TRAFD1: variants seen among roughly 807,000 people sequenced by gnomAD.
TRAFD1 encodes the protein TRAF-type zinc finger domain-containing protein 1.
Under a neutral mutation model 65.3 loss-of-function variants are expected in TRAFD1, and 38 were observed. That is an observed-to-expected ratio of 0.58 (90% confidence interval 0.45 to 0.76). The LOEUF (loss-of-function observed/expected upper bound fraction) is 0.76, where lower values mean the gene tolerates loss of function less well. Ranked by LOEUF, TRAFD1 falls within the 30% of genes least tolerant of loss-of-function variation. TRAFD1 has a pLI of 0.00. For synonymous variants in TRAFD1, 223 were observed against 257.2 expected, an observed-to-expected ratio of 0.87 and a Z score of 1.27; for missense variants, 631 against 712.6, an observed-to-expected ratio of 0.89 and a Z score of 1.30.
intron 2 of TRAFD1, among the ~76,000 whole-genome samples, chr12:112,134,374 G>T (rs1186092572): frequency 6.9e-6 from 1 of 144,638 alleles, no homozygotes; most frequent in Non-Finnish European, 1.5e-5. Context: ...TCCTGCCTCA[G>T]CCTCCCGAGT....
intron 6 of TRAFD1, 34 bp from the exon 7 acceptor site, chr12:112,145,552 C>T: frequency 1.2e-6 from 2 of 1,605,040 alleles, no homozygotes; most frequent in Non-Finnish European, 1.7e-6. Context: ...TGTTTTTGTT[C>T]ATCCTGAGTC....
At chr12:112,129,908 C>G (rs1335090175) in intron 1 of TRAFD1, among the ~76,000 whole-genome samples, 1 of 151,852 alleles carries the variant, frequency 6.6e-6, no homozygotes, top group Non-Finnish European at 1.5e-5. Flanking sequence ...TCCCTAAGTC[C>G]TGGGATTACA....
rs755697440 is a variant in TRAFD1, at chr12:112,149,781, A to G, written c.1189A>G (p.Thr397Ala). 6.2e-7 allele frequency: 1 copy of G among 1,614,188 alleles called. No individual in the cohort carries two copies. The highest frequency in any genetic ancestry group is 8.5e-7 in the Non-Finnish European group (1 of 1,179,998). Reference sequence around the variant, plus strand: ...GTGTGACCAACGCCCAGCCACTGCAACCAACCATGTGACAGAGGGGATTCC... The same window carrying G: ...GTGTGACCAACGCCCAGCCACTGCAGCCAACCATGTGACAGAGGGGATTCC... ...DQCDQRPATA[T>A]NHVTEGIPRL... The change falls in exon 9 of 12, where the codon ACC becomes GCC. Residue 397 changes from threonine (T) to alanine (A), a missense_variant. Thr to Ala is a moderately conservative substitution (Grantham distance 58). Coordinates refer to ENST00000412615, the MANE Select transcript of TRAFD1 (RefSeq NM_006700.3).
rs1165368631 is a variant in TRAFD1 at position 112,152,318 on chromosome 12, GT to G, written c.1620-103del. ...AAAAAAATTATTTTGTGGCCTATGG[GT>G]TTTTTGGGGTTTGTCTGCTAGCATA... On this transcript the variant is annotated intron_variant, in intron 10 of 11. Coordinates refer to ENST00000412615, the MANE Select transcript of TRAFD1 (RefSeq NM_006700.3). This position sits in a 1 kb window ranked among gnomAD's most constrained non-coding sequence, Gnocchi z 5.0. 2.0e-6 allele frequency: 3 copies of G among 1,497,334 alleles called. No homozygotes were observed. Among genetic ancestry groups the G allele is most frequent in the African/African-American group, 2.8e-5 (2 of 71,868 alleles). The allele number at this position is 1,497,334 out of a possible 1,614,324, so 92.8% of individuals were successfully genotyped here.
intron 5 of TRAFD1, 198 bp from the exon 6 acceptor site, chr12:112,141,891 T>C (rs1022927132): frequency 4.6e-5 from 27 of 581,294 alleles, no homozygotes; most frequent in Non-Finnish European, 7.0e-5. Context: ...GTTAGAATAA[T>C]AATGGAGCCT....
chr12:112,134,968 A>G (rs371654338), intron 3 of TRAFD1, 45 bp from the exon 4 acceptor site: 1 of 1,614,022 alleles, frequency 6.2e-7, no homozygotes, highest in Non-Finnish European at 8.5e-7. Flanking sequence ...GCAAATGAGC[A>G]TATTGTCCCA....
At chr12:112,149,438 T>C in intron 8 of TRAFD1, 1 of 245,948 alleles carries the variant, frequency 4.1e-6, no homozygotes, top group South Asian at 5.2e-5. Flanking sequence ...TCTACTCTTT[T>C]CCCCGTTCTC....
At chr12:112,140,722 G>A in intron 4 of TRAFD1, 97 bp from the exon 5 acceptor site, 3 of 1,404,932 alleles carry the variant, frequency 2.1e-6, no homozygotes, top group Non-Finnish European at 1.9e-6. Context: ...GGTTGGAAGA[G>A]AAGATTGCAG....
At chr12:112,151,319 T>C (rs944591067) in intron 9 of TRAFD1, among the ~76,000 whole-genome samples, 4 of 152,144 alleles carry the variant, frequency 2.6e-5, no homozygotes, top group East Asian at 1.9e-4. Context: ...TCAGATAATA[T>C]GTGCAGAATT....
chr12:112,146,656 G>C (rs1312324090), intron 7 of TRAFD1, among the ~76,000 whole-genome samples: 4 of 152,206 alleles, frequency 2.6e-5, no homozygotes, highest in Non-Finnish European at 4.4e-5. Flanking sequence ...CTTACTTGTA[G>C]AGTTGGTTCA....
intron 7 of TRAFD1, among the ~76,000 whole-genome samples, chr12:112,147,525 G>A (rs2030284291): frequency 6.6e-6 from 1 of 151,878 alleles, no homozygotes; most frequent in Non-Finnish European, 1.5e-5. Flanking sequence ...GTATGGATGT[G>A]GTGGGAAGAA....
At chr12:112,134,900 A>T in intron 3 of TRAFD1, 27 bp downstream of exon 3, 1 of 1,611,690 alleles carries the variant, frequency 6.2e-7, no homozygotes, top group South Asian at 1.1e-5. Flanking sequence ...TCAAATGTTT[A>T]TACATGTGTT....
intron 1 of TRAFD1, among the ~76,000 whole-genome samples, chr12:112,128,829 T>A (rs902637376): frequency 3.3e-5 from 5 of 151,790 alleles, no homozygotes; most frequent in African/African-American, 1.2e-4. Flanking sequence ...TCATATGAGG[T>A]CAGGAGTTTG....
At position 112,141,141 on chromosome 12, in the gene TRAFD1, G is replaced by A. The variant is rs201843124; in HGVS notation, c.560G>A (p.Arg187Lys). The A allele has an allele frequency of 2.5e-6, 4 of 1,614,190 alleles. No individual in the cohort carries two copies. The highest frequency in any genetic ancestry group is 3.4e-6 in the Non-Finnish European group (4 of 1,180,040). ...PPMRLPRRPL[R>K]AFESDVFHNR... ...ATGAGGCTGCCGCGAAGGCCCCTGA[G>A]AGCCTTTGAATCAGATGTTTTCCAC... The change falls in exon 5 of 12, where the codon AGA (arginine) becomes AAA (lysine). Residue 187 changes from arginine to lysine, a missense_variant. Transcript: ENST00000412615.
At chr12:112,127,322 A>G (rs1395628325) in intron 1 of TRAFD1, among the ~76,000 whole-genome samples, 1 of 152,184 alleles carries the variant, frequency 6.6e-6, no homozygotes, top group Non-Finnish European at 1.5e-5. Flanking sequence ...ATTTGTCAGT[A>G]TACTTTTCCA....
At chr12:112,125,684 A>C (rs1294449233) in intron 1 of TRAFD1, 66 bp downstream of exon 1, 1 of 152,356 alleles carries the variant, frequency 6.6e-6, no homozygotes, top group Non-Finnish European at 1.5e-5. Flanking sequence ...AGGGTCCAGC[A>C]TCCCAAGGGA....
chr12:112,128,413 G>T (rs1459050289), intron 1 of TRAFD1, among the ~76,000 whole-genome samples: 1 of 152,186 alleles, frequency 6.6e-6, no homozygotes, highest in Non-Finnish European at 1.5e-5. Context: ...CCTACTGGGG[G>T]CAGGATTTAA....
chr12:112,147,993 T>C, intron 7 of TRAFD1, 81 bp from the exon 8 acceptor site: 1 of 1,309,050 alleles, frequency 7.6e-7, no homozygotes, highest in Non-Finnish European at 1.1e-6. Context: ...TTATATGACT[T>C]CTTCTAGAAA....
At chr12:112,143,780 T>C (rs1183702892) in intron 6 of TRAFD1, among the ~76,000 whole-genome samples, 1 of 148,236 alleles carries the variant, frequency 6.7e-6, no homozygotes, top group Non-Finnish European at 1.5e-5. Flanking sequence ...TCACCGAGGC[T>C]GGAGTGCAGT....
Sources: gnomAD v4.1 joint callset for allele counts (sites outside exome capture counted in the v4.1 genomes callset) on GRCh38, gnomAD v4.1.1 for gene constraint, Gnocchi (gnomAD v3.1) non-coding constraint, MANE v1.5 for transcripts, NCBI Gene and HGNC (gene_info 2026-07-23, HGNC 2026-07-21) for gene names.